The following MBLAC2 variants were observed in gnomAD, a reference collection of about 807,000 sequenced individuals.
MBLAC2 encodes the protein acyl-coenzyme A thioesterase MBLAC2.
A neutral mutation model predicts 23.3 loss-of-function variants in MBLAC2; 24 were observed. That is an observed-to-expected ratio of 1.03 (90% CI 0.75 to 1.45). The LOEUF (loss-of-function observed/expected upper bound fraction) is 1.45, where lower values mean the gene tolerates loss of function less well. MBLAC2 is among the 40% of genes most tolerant of loss of function. The probability of loss-of-function intolerance (pLI) is 0.00; values close to 1 mark genes in which losing one functional copy is unlikely to be tolerated. For missense variants in MBLAC2, 358 were observed against 370.0 expected, an observed-to-expected ratio of 0.97 and a Z score of 0.27; for synonymous variants, 162 against 150.9, an observed-to-expected ratio of 1.07 and a Z score of -0.54.
At chr5:90,468,694 G>A (rs750504598) in intron 1 of MBLAC2, among the ~76,000 whole-genome samples, 11 of 151,998 alleles carry the variant, frequency 7.2e-5, no homozygotes, top group Non-Finnish European at 5.9e-5. Context: ...ACAAGACTCA[G>A]TAAATTTAAG....
rs1015748466 is a variant in MBLAC2 at position 90,474,442 on chromosome 5, T to A, written c.-150A>T. Reference sequence around the variant, plus strand: ...GAGGCGGGGGCGTGGGATGCGGGGGTCGGAATAGGAGGAGGAAGGACGCAG... The same window carrying A: ...GAGGCGGGGGCGTGGGATGCGGGGGACGGAATAGGAGGAGGAAGGACGCAG... On this transcript the variant is annotated 5_prime_UTR_variant, in exon 1 of 2. Transcript: ENST00000316610. 2.9e-6 allele frequency: 2 copies of A among 701,264 alleles called. No homozygotes were observed. Among genetic ancestry groups the A allele is most frequent in the Non-Finnish European group, 4.8e-6 (2 of 416,778 alleles). The allele number at this position is 701,264 out of a possible 1,614,324, so 43.4% of individuals were successfully genotyped here.
rs745445885 is a variant in MBLAC2 at position 90,461,523 on chromosome 5, G to A, written c.484C>T (p.Leu162Phe). The A allele has an allele frequency of 1.9e-6, 3 of 1,612,682 alleles. No homozygotes were observed. Among genetic ancestry groups the A allele is most frequent in the Non-Finnish European group, 2.5e-6 (3 of 1,179,406 alleles). The change falls in exon 2 of 2, where the codon CTC (leucine) becomes TTC (phenylalanine). Residue 162 changes from leucine to phenylalanine, a missense_variant. Transcript: ENST00000316610. ...GDVINLGDRQLTVMHMPGHSR... is the reference protein window; with the variant it reads ...GDVINLGDRQFTVMHMPGHSR... ...TGACCTGGCATGTGCATAACAGTGAGCTGTCTGTCACCAAGGTTGATCACA... is the reference window on the plus strand; with the variant it reads ...TGACCTGGCATGTGCATAACAGTGAACTGTCTGTCACCAAGGTTGATCACA...
rs1750361205 is a variant in MBLAC2 at position 90,461,241 on chromosome 5, T to G, written c.766A>C (p.Lys256Gln). 6.2e-7 allele frequency: 1 copy of G among 1,613,966 alleles called. No homozygotes were observed. Among genetic ancestry groups the G allele is most frequent in the African/African-American group, 1.3e-5 (1 of 74,924 alleles). Residue 256 changes from lysine to glutamine, a missense_variant, in exon 2 of 2, where the codon AAA (lysine) becomes CAA (glutamine). By Grantham distance (53) the Lys-to-Gln change is moderately conservative (BLOSUM62 1). Coordinates refer to ENST00000316610, the MANE Select transcript of MBLAC2 (RefSeq NM_203406.2). Reference sequence around the variant, plus strand: ...GATCGCATGGCAAAAGTAGAAACTTTGTGACATATCCCAGCTTTTGAAATA... The same window carrying G: ...GATCGCATGGCAAAAGTAGAAACTTGGTGACATATCCCAGCTTTTGAAATA... ...NYISKAGICH[K>Q]VSTFAMRSLA...
At chr5:90,472,385 C>T in intron 1 of MBLAC2, 1 of 151,346 alleles carries the variant, frequency 6.6e-6, no homozygotes, top group South Asian at 2.1e-4. Context: ...TGTACATGTA[C>T]TTTCATCTCA....
Position 90,458,472 on chromosome 5 carries a change from G to A in MBLAC2, c.*2695C>T, listed in dbSNP as rs1561237068. On this transcript the variant is annotated 3_prime_UTR_variant, in exon 2 of 2. Coordinates refer to ENST00000316610, the MANE Select transcript of MBLAC2 (RefSeq NM_203406.2). ...ATTACTTCTAAATGTCTTACATTTT[G>A]ACAACTTTGAATTATACTTACATAC... The A allele has an allele frequency of 6.6e-6, 1 of 152,130 alleles. No homozygotes were observed. The highest frequency in any genetic ancestry group is 1.5e-5 in the Non-Finnish European group (1 of 68,002). 9.4% of individuals were successfully genotyped at this position (152,130 alleles called of 1,614,324 possible).
chr5:90,472,514 T>C (rs2151892958), intron 1 of MBLAC2: 1 of 152,308 alleles, frequency 6.6e-6, no homozygotes, highest in African/African-American at 2.4e-5. Context: ...AATTTTTTTT[T>C]TAGCACCGAT....
intron 1 of MBLAC2, among the ~76,000 whole-genome samples, chr5:90,465,310 AT>A (rs1429018094): frequency 6.6e-6 from 1 of 152,248 alleles, no homozygotes; most frequent in African/African-American, 2.4e-5. Flanking sequence ...TGAACACTGT[AT>A]AATGAAAACT....
At chr5:90,472,309 A>G (rs939520368) in intron 1 of MBLAC2, 16 of 152,210 alleles carry the variant, frequency 1.1e-4, no homozygotes, top group Admixed American at 7.9e-4. Context: ...TGTTACCTCT[A>G]AAAGTACCCA....
At chr5:90,465,265 G>A (rs1301366442) in intron 1 of MBLAC2, among the ~76,000 whole-genome samples, 1 of 152,090 alleles carries the variant, frequency 6.6e-6, no homozygotes, top group African/African-American at 2.4e-5. Context: ...TAAAATACTT[G>A]GGAAAAAATT....
Position 90,474,420 on chromosome 5 carries a change from G to A in MBLAC2, c.-128C>T, listed in dbSNP as rs977368239. On this transcript the variant is annotated 5_prime_UTR_variant, in exon 1 of 2. Coordinates refer to ENST00000316610, the MANE Select transcript of MBLAC2 (RefSeq NM_203406.2). ...AGCCAGGGAGGAGGCGTAGAGCGAG[G>A]CGGGGGCGTGGGATGCGGGGGTCGG... The A allele has an allele frequency of 6.0e-6, 5 of 837,318 alleles. No homozygotes were observed. The highest frequency in any genetic ancestry group is 1.7e-5 in the African/African-American group (1 of 58,202). The allele number at this position is 837,318 out of a possible 1,614,324, so 51.9% of individuals were successfully genotyped here. A position where few individuals can be genotyped will look rare whatever the true frequency, so the allele number is the denominator to read the frequency against.
Position 90,474,130 on chromosome 5 carries a change from C to G in MBLAC2, c.163G>C (p.Glu55Gln). 1.9e-6 allele frequency: 3 copies of G among 1,585,238 alleles called. No homozygotes were observed. The highest frequency in any genetic ancestry group is 1.7e-6 in the Non-Finnish European group (2 of 1,165,552). The change falls in exon 1 of 2, where the codon GAG (glutamate) becomes CAG (glutamine). Residue 55 changes from glutamate to glutamine, a missense_variant. Transcript: ENST00000316610. ...DTGLGLRSLP[E>Q]YLYSSGLLQD... ...AAGAGGCCGGAGGAGTACAGGTACT[C>G]CGGGAGGCTGCGCAGCCCCAGGCCT...
At chr5:90,467,072 G>A (rs1580181391) in intron 1 of MBLAC2, among the ~76,000 whole-genome samples, 2 of 152,314 alleles carry the variant, frequency 1.3e-5, no homozygotes, top group African/African-American at 4.8e-5. Context: ...GGGAGGCAGA[G>A]GCTGCAGTGA....
intron 1 of MBLAC2, among the ~76,000 whole-genome samples, chr5:90,469,740 C>G (rs963928573): frequency 6.6e-5 from 10 of 152,078 alleles, no homozygotes; most frequent in Admixed American, 6.5e-4. Flanking sequence ...CAGATGCTGA[C>G]AAGGATGTGG....
At chr5:90,468,117 C>G (rs1750480650) in intron 1 of MBLAC2, among the ~76,000 whole-genome samples, 1 of 152,160 alleles carries the variant, frequency 6.6e-6, no homozygotes, top group African/African-American at 2.4e-5. Flanking sequence ...TCTCACAGCT[C>G]TTAAGATTCT....
Position 90,474,469 on chromosome 5 carries a change from C to G in MBLAC2, c.-177G>C. On this transcript the variant is annotated 5_prime_UTR_variant, in exon 1 of 2. Coordinates refer to ENST00000316610, the MANE Select transcript of MBLAC2 (RefSeq NM_203406.2). ...GGAATAGGAGGAGGAAGGACGCAGA[C>G]CGACGCTGCCCGTAGCGTGCGCTCC... 1 of 615,358 alleles carries G rather than the reference C, an allele frequency of 1.6e-6. No individual in the cohort carries two copies. Among genetic ancestry groups the G allele is most frequent in the Non-Finnish European group, 2.8e-6 (1 of 352,732 alleles). 38.1% of individuals were successfully genotyped at this position (615,358 alleles called of 1,614,324 possible).
At position 90,461,393 on chromosome 5, in the gene MBLAC2, A is replaced by G; in HGVS notation, c.614T>C (p.Ile205Thr). The change falls in exon 2 of 2, where the codon ATA (isoleucine) becomes ACA (threonine). Residue 205 changes from isoleucine (I) to threonine (T), a missense_variant. Coordinates refer to ENST00000316610, the MANE Select transcript of MBLAC2 (RefSeq NM_203406.2). ...SLIDWLPYSR[I>T]SDYVGTCERL... ...TTCACAAGTTCCAACATAGTCACTT[A>G]TCCTGCTGTATGGGAGCCAGTCAAT... 1 of 1,614,198 alleles carries G rather than the reference A, an allele frequency of 6.2e-7. No homozygotes were observed. Among genetic ancestry groups the G allele is most frequent in the South Asian group, 1.1e-5 (1 of 91,082 alleles).
Position 90,474,373 on chromosome 5 carries a change from C to T in MBLAC2, c.-81G>A. Reference sequence around the variant, plus strand: ...GCTGTCCACACACAGGGCACTGCGGCTGTGTGAAGCGGTCTGCCTGCAGCC... The same window carrying T: ...GCTGTCCACACACAGGGCACTGCGGTTGTGTGAAGCGGTCTGCCTGCAGCC... On this transcript the variant is annotated 5_prime_UTR_variant, in exon 1 of 2. Coordinates refer to ENST00000316610, the MANE Select transcript of MBLAC2 (RefSeq NM_203406.2). 1 of 1,314,740 alleles carries T rather than the reference C, an allele frequency of 7.6e-7. No homozygotes were observed. The highest frequency in any genetic ancestry group is 1.1e-6 in the Non-Finnish European group (1 of 930,452). The allele number at this position is 1,314,740 out of a possible 1,614,324, so 81.4% of individuals were successfully genotyped here.
chr5:90,465,110 T>C (rs939927839), intron 1 of MBLAC2, among the ~76,000 whole-genome samples: 2 of 152,000 alleles, frequency 1.3e-5, no homozygotes, highest in African/African-American at 2.4e-5. Flanking sequence ...AAATCCTAAG[T>C]AGGAAAAAGC....
chr5:90,471,517 G>A (rs1034672437), intron 1 of MBLAC2, among the ~76,000 whole-genome samples: 2 of 152,162 alleles, frequency 1.3e-5, no homozygotes, highest in African/African-American at 2.4e-5. Flanking sequence ...TAATGCACTG[G>A]AAGATATGGC....
Sources: allele counts gnomAD v4.1 joint callset (sites outside exome capture counted in the v4.1 genomes callset), GRCh38; gene constraint gnomAD v4.1.1; transcripts MANE v1.5; gene names NCBI Gene and HGNC (gene_info 2026-07-23, HGNC 2026-07-21).